The following MED13 variants were observed in gnomAD, a reference collection of about 807,000 sequenced individuals.
MED13 encodes the protein mediator of RNA polymerase II transcription subunit 13.
MED13 carries 23 observed loss-of-function variants against 225.2 expected under a neutral mutation model. That is an observed-to-expected ratio of 0.10 (90% CI 0.07 to 0.14). The LOEUF is 0.14. Among genes scored for constraint, MED13 ranks in the 10% least tolerant of loss-of-function variants. MED13 has a pLI of 1.00. For synonymous variants in MED13, 942 were observed against 889.2 expected (o/e 1.06, Z -1.06); for missense variants, 2,197 against 2,594.5 (o/e 0.85, Z 3.33).
intron 9 of MED13, among the ~76,000 whole-genome samples, chr17:62,010,170 T>A (rs1000535699): frequency 7.3e-5 from 11 of 149,820 alleles, no homozygotes; most frequent in African/African-American, 2.7e-4. Flanking sequence ...TCAGTGGGCC[T>A]AGATCGTGCC....
intron 16 of MED13, among the ~76,000 whole-genome samples, chr17:61,974,111 T>C (rs915595711): frequency 4.6e-5 from 7 of 152,198 alleles, no homozygotes; most frequent in Admixed American, 2.0e-4. Flanking sequence ...TACTTAGTAG[T>C]TGAAAATGCT....
chr17:61,987,503 A>G (rs925428925), intron 11 of MED13, among the ~76,000 whole-genome samples: 8 of 152,154 alleles, frequency 5.3e-5, no homozygotes, highest in African/African-American at 1.9e-4. Flanking sequence ...TTTTTAAATT[A>G]GACATATAAC....
chr17:61,990,627 G>GTATGTGTATATATATATATA (rs1555635070), intron 11 of MED13, among the ~76,000 whole-genome samples: 40 of 139,002 alleles, frequency 2.9e-4, no homozygotes, highest in African/African-American at 1.1e-3. Context: ...GGCGCACTGT[G>GTATGTGTATATATATATATA]TATATATATA....
chr17:61,975,453 C>T (rs2143423343), intron 16 of MED13, among the ~76,000 whole-genome samples: 1 of 152,220 alleles, frequency 6.6e-6, no homozygotes, highest in African/African-American at 2.4e-5. Flanking sequence ...TATAAGATGA[C>T]TATAATAAGA....
chr17:62,065,075 C>A (rs2081070679), intron 1 of MED13, 65 bp downstream of exon 1: 2 of 1,417,920 alleles, frequency 1.4e-6, no homozygotes, highest in African/African-American at 1.5e-5. Context: ...CGGCCCCCTC[C>A]CCCACGGCCC....
chr17:61,963,763 T>A (rs1265652042), intron 20 of MED13, among the ~76,000 whole-genome samples: 1 of 152,190 alleles, frequency 6.6e-6, no homozygotes, highest in Non-Finnish European at 1.5e-5. Context: ...TTTACCCACA[T>A]ATGAGTATAA....
At position 62,010,725 on chromosome 17, in the gene MED13, C is replaced by T; in HGVS notation, c.1792G>A (p.Val598Ile). 1 of 1,612,154 alleles carries T rather than the reference C, an allele frequency of 6.2e-7. No individual in the cohort carries two copies. Among genetic ancestry groups the T allele is most frequent in the Non-Finnish European group, 8.5e-7 (1 of 1,178,862 alleles). Residue 598 changes from valine (V) to isoleucine (I), a missense_variant, in exon 9 of 30, where the codon GTA (valine) becomes ATA (isoleucine). Around this residue, in one of 12 missense-constraint regions of MED13, gnomAD observed 884 missense variants for 918.5 expected, o/e 0.96. Coordinates refer to ENST00000397786, the MANE Select transcript of MED13 (RefSeq NM_005121.3). ...AAGTTTACTGCTGTACCAACATATA[C>T]TGTAGGTTCTACAGCTTCCTGATAT... ...PQYQEAVEPTVYVGTAVNLEE... is the reference protein window; with the variant it reads ...PQYQEAVEPTIYVGTAVNLEE...
chr17:61,969,601 G>A (rs956666603), intron 17 of MED13, among the ~76,000 whole-genome samples: 1 of 151,074 alleles, frequency 6.6e-6, no homozygotes, highest in Non-Finnish European at 1.5e-5. Flanking sequence ...CTTTCTTTTA[G>A]TTTTTTTTTG....
intron 11 of MED13, among the ~76,000 whole-genome samples, chr17:61,991,489 A>C (rs2080298317): frequency 1.3e-5 from 2 of 151,006 alleles, no homozygotes. Context: ...ACATGCATGC[A>C]CCACCACGCC....
At chr17:61,999,483 A>G (rs1603399994) in intron 9 of MED13, among the ~76,000 whole-genome samples, 1 of 152,238 alleles carries the variant, frequency 6.6e-6, no homozygotes, top group Admixed American at 6.5e-5. Flanking sequence ...AATACATGCT[A>G]TCATTAACTA....
At chr17:62,034,997 T>C (rs1251269079) in intron 4 of MED13, among the ~76,000 whole-genome samples, 2 of 152,056 alleles carry the variant, frequency 1.3e-5, no homozygotes, top group African/African-American at 4.8e-5. Context: ...GGAACGCGCC[T>C]GTAACCCCAG....
rs2081071866 is a variant in MED13 at position 62,065,180 on chromosome 17, C to G, written c.26G>C (p.Gly9Ala). The change falls in exon 1 of 30, where the codon GGG becomes GCG. Residue 9 changes from glycine (G) to alanine (A), a missense_variant. By Grantham distance (60) the Gly-to-Ala change is moderately conservative (BLOSUM62 0). This residue lies in a region of MED13 where 884 missense variants were observed against 918.5 expected (regional missense o/e 0.96). Coordinates refer to ENST00000397786, the MANE Select transcript of MED13 (RefSeq NM_005121.3). Reference protein sequence around the residue: MSASFVPNGASLEDCHCNL... With the variant: MSASFVPNAASLEDCHCNL... ...ACAGTGACAATCTTCCAGGCTGGCC[C>G]CGTTCGGCACGAAGGAGGCACTCAT... 6.3e-6 allele frequency: 10 copies of G among 1,581,962 alleles called. No individual in the cohort carries two copies. Among genetic ancestry groups the G allele is most frequent in the African/African-American group, 1.4e-5 (1 of 72,564 alleles).
chr17:62,029,379 T>A, intron 8 of MED13, 162 bp downstream of exon 8: 1 of 604,870 alleles, frequency 1.7e-6, no homozygotes, highest in South Asian at 2.2e-5. Context: ...CATGTACTTC[T>A]ATAATCAGCT....
rs767230067 is a variant in MED13 at position 61,972,767 on chromosome 17, A to C, written c.3927T>G (p.Thr1309=). 4.3e-6 allele frequency: 7 copies of C among 1,612,638 alleles called. No individual in the cohort carries two copies. In the Admixed American group the frequency reaches 6.7e-5, roughly 15 times the overall value. The change falls in exon 17 of 30, where the codon ACT becomes ACG. Residue 1309 remains threonine (T), a synonymous_variant. Coordinates refer to ENST00000397786, the MANE Select transcript of MED13 (RefSeq NM_005121.3). The part of the protein sequence containing the change: ...VRPWGVQGPL[T]WQQFHKMAGR... ...CAGCCATTTTATGAAATTGTTGCCA[A>C]GTGAGAGGACCCTGAACACCCCAAG...
At chr17:61,958,593 T>G (rs553600060) in intron 23 of MED13, among the ~76,000 whole-genome samples, 52 of 152,234 alleles carry the variant, frequency 3.4e-4, no homozygotes, top group African/African-American at 1.2e-3. Context: ...CACCTTGGCC[T>G]CCCAAAGTGC....
At chr17:61,988,351 G>A (rs1367396077) in intron 11 of MED13, among the ~76,000 whole-genome samples, 1 of 152,106 alleles carries the variant, frequency 6.6e-6, no homozygotes, top group Non-Finnish European at 1.5e-5. Context: ...CAATTACAAT[G>A]AAAATTAAAC....
intron 17 of MED13, 71 bp from the exon 18 acceptor site, chr17:61,968,329 A>G: frequency 9.1e-7 from 1 of 1,099,160 alleles, no homozygotes; most frequent in Non-Finnish European, 1.2e-6. Context: ...TTATTTATTT[A>G]TTTATTTATT....
At chr17:61,979,963 T>C (rs1603396179) in intron 16 of MED13, among the ~76,000 whole-genome samples, 1 of 151,958 alleles carries the variant, frequency 6.6e-6, no homozygotes, top group Admixed American at 6.6e-5. Context: ...CCGAGGCAGG[T>C]GGATTGCCTG....
At chr17:62,056,253 C>T (rs1046174009) in intron 2 of MED13, among the ~76,000 whole-genome samples, 3 of 152,090 alleles carry the variant, frequency 2.0e-5, no homozygotes, top group Admixed American at 6.6e-5. Context: ...ACTTTCTACA[C>T]GTTGTATTCA....
Sources: gnomAD v4.1 joint callset for allele counts (sites outside exome capture counted in the v4.1 genomes callset) on GRCh38, gnomAD v4.1.1 for gene constraint, gnomAD v4.1.1 regional missense constraint, MANE v1.5 for transcripts, NCBI Gene and HGNC (gene_info 2026-07-23, HGNC 2026-07-21) for gene names.